Variants in TLK1 observed in about 807,000 individuals in gnomAD.
TLK1 encodes tousled like kinase 1.
TLK1 carries 24 observed loss-of-function variants against 105.3 expected under a neutral mutation model. The ratio of observed to expected loss-of-function variants is 0.23; its 90% confidence interval spans 0.17 to 0.32. The LOEUF is 0.32. Among genes scored for constraint, TLK1 ranks in the 10% least tolerant of loss-of-function variants. The pLI is 1.00. For missense variants in TLK1, 558 were observed against 910.5 expected (o/e 0.61, Z 4.98); for synonymous variants, 321 against 310.4 (o/e 1.03, Z -0.36).
chr2:171,165,510 T>C (rs1692589848), upstream of TLK1, among the ~76,000 whole-genome samples: 1 of 152,110 alleles, frequency 6.6e-6, no homozygotes, highest in Admixed American at 6.6e-5. Context: ...TTACAAAGCA[T>C]CCAATATTAT....
chr2:171,004,242 C>T (rs771636835), intron 18 of TLK1, among the ~76,000 whole-genome samples: 12 of 152,128 alleles, frequency 7.9e-5, no homozygotes, highest in Admixed American at 3.3e-4. Flanking sequence ...GGATTACAGG[C>T]GTGAGCCACC....
At chr2:171,180,823 C>CT (rs57223904) in intron 1 of TLK1, among the ~76,000 whole-genome samples, 1,905 of 123,088 alleles carry the variant, frequency 0.015, 23 homozygotes, top group African/African-American at 0.033. Flanking sequence ...TAAGAGGATG[C>CT]TTTTTTTTTT....
Position 170,993,689 on chromosome 2 carries a change from A to G in TLK1, c.*91T>C. 1 of 971,628 alleles carries G rather than the reference A, an allele frequency of 1.0e-6. No individual in the cohort carries two copies. The highest frequency in any genetic ancestry group is 1.7e-5 in the African/African-American group (1 of 58,492). 60.2% of individuals were successfully genotyped at this position (971,628 alleles called of 1,614,324 possible). On this transcript the variant is annotated 3_prime_UTR_variant, in exon 21 of 21. Transcript: ENST00000431350. ...TGTGTAAAAAAAAAAAAAAAAAAAAAAGAAAAAGAAAACAAACACTCAAAT... is the reference window on the plus strand; with the variant it reads ...TGTGTAAAAAAAAAAAAAAAAAAAAGAGAAAAAGAAAACAAACACTCAAAT...
At chr2:171,076,217 C>T (rs1373319355) in intron 3 of TLK1, among the ~76,000 whole-genome samples, 7 of 147,566 alleles carry the variant, frequency 4.7e-5, no homozygotes, top group African/African-American at 1.5e-4. Flanking sequence ...AACTCCATCT[C>T]GGAGGGCGGG....
chr2:171,228,997 G>A (rs1002011259), intron 1 of TLK1, among the ~76,000 whole-genome samples: 1 of 152,136 alleles, frequency 6.6e-6, no homozygotes, highest in African/African-American at 2.4e-5. Flanking sequence ...CATGCACTTG[G>A]GAATTTCCAC....
At chr2:171,214,741 A>C (rs1170256867) in intron 1 of TLK1, among the ~76,000 whole-genome samples, 1 of 152,254 alleles carries the variant, frequency 6.6e-6, no homozygotes. Flanking sequence ...CCTGGAATTT[A>C]GTAATTAATC....
At chr2:171,117,983 C>T (rs536495501) in intron 1 of TLK1, 126 bp from the exon 2 acceptor site, 15 of 536,702 alleles carry the variant, frequency 2.8e-5, no homozygotes, top group Non-Finnish European at 4.2e-5. Flanking sequence ...TACAAGCAGA[C>T]GAAATTGAGA....
Position 171,135,309 on chromosome 2 carries a change from GTGTGTGTGTGTATATATATA to G in TLK1, c.140-17472_140-17453del, listed in dbSNP as rs1248246696. ...TTCCACATTATGTGTGTGTTTGTGT[GTGTGTGTGTGTATATATATA>G]TATATATATATATATCAAAACATGA... is the stretch of plus-strand genomic sequence containing the variant. On this transcript the variant is annotated intron_variant, in intron 1 of 20. Transcript: ENST00000431350. Among the ~76,000 whole-genome samples the G allele has an allele frequency of 7.3e-3, 754 of 103,782 alleles. 7 individuals carry two copies. Among genetic ancestry groups the G allele is most frequent in the African/African-American group, 0.036 (700 of 19,264 alleles). The allele number at this position is 103,782 out of a possible 152,430, so 68.1% of individuals were successfully genotyped here. A position where few individuals can be genotyped will look rare whatever the true frequency, so the allele number is the denominator to read the frequency against.
intron 2 of TLK1, among the ~76,000 whole-genome samples, chr2:171,108,080 C>CAAAA (rs1491412460): frequency 1.6e-5 from 1 of 62,986 alleles, no homozygotes; most frequent in East Asian, 2.2e-4. Context: ...ACAACAACAA[C>CAAAA]AACAACAAAA....
At chr2:171,057,816 G>A (rs981878303) in intron 5 of TLK1, among the ~76,000 whole-genome samples, 10 of 151,884 alleles carry the variant, frequency 6.6e-5, no homozygotes, top group African/African-American at 1.2e-4. Flanking sequence ...CTGCTGCCAC[G>A]GTCTGACTGC....
intron 1 of TLK1, among the ~76,000 whole-genome samples, chr2:171,138,767 T>C (rs889910807): frequency 4.6e-5 from 7 of 152,204 alleles, no homozygotes; most frequent in Non-Finnish European, 7.4e-5. Flanking sequence ...CCACCCCTAC[T>C]TAACAAGCCA....
intron 18 of TLK1, among the ~76,000 whole-genome samples, chr2:171,004,076 T>C (rs1333255485): frequency 6.6e-6 from 1 of 152,134 alleles, no homozygotes; most frequent in South Asian, 2.1e-4. Context: ...TGCCTCAGCC[T>C]CCCAAGTAGC....
At chr2:171,129,783 T>A (rs890458161) in intron 1 of TLK1, among the ~76,000 whole-genome samples, 45 of 151,968 alleles carry the variant, frequency 3.0e-4, no homozygotes, top group African/African-American at 1.0e-3. Flanking sequence ...TAGTAAGCTG[T>A]GAAATGCTGC....
chr2:171,206,276 A>T lies in TLK1; in HGVS notation c.-6+24869T>A, dbSNP rs142756928. On this transcript the variant is annotated intron_variant, in intron 1 of 20. Transcript: ENST00000521943. The stretch of plus-strand genomic sequence containing the variant: ...AATGAAGCAGCTGACAATCAATAGC[A>T]TCTTACATTTAATAAAATATGGCAT... Among the ~76,000 whole-genome samples, 24 of 152,374 alleles carry T rather than the reference A, an allele frequency of 1.6e-4. No homozygotes were observed. The East Asian group carries it at 4.6e-3, about 29-fold the overall frequency.
intron 17 of TLK1, 79 bp downstream of exon 17, chr2:171,006,395 A>T (rs1447519502): frequency 1.3e-6 from 2 of 1,487,192 alleles, no homozygotes; most frequent in African/African-American, 2.8e-5. Flanking sequence ...ACCAAAAAAC[A>T]TGTTTTCAGA....
chr2:171,146,741 G>T (rs12692962), intron 1 of TLK1, among the ~76,000 whole-genome samples: 37,488 of 152,042 alleles, frequency 0.25, 4,849 homozygotes, highest in Middle Eastern at 0.35. Flanking sequence ...CCCTTCTGTA[G>T]GGAGTACTTT....
At chr2:171,103,223 T>G (rs746771219) in intron 2 of TLK1, among the ~76,000 whole-genome samples, 2 of 148,008 alleles carry the variant, frequency 1.4e-5, no homozygotes, top group Non-Finnish European at 3.0e-5. Flanking sequence ...AATGGGAAGT[T>G]TGGGGAAGGT....
intron 2 of TLK1, among the ~76,000 whole-genome samples, chr2:171,116,361 A>G (rs1309255207): frequency 6.6e-6 from 1 of 152,240 alleles, no homozygotes; most frequent in Non-Finnish European, 1.5e-5. Flanking sequence ...ACAAAGAATT[A>G]AAATAATTTC....
intron 2 of TLK1, among the ~76,000 whole-genome samples, chr2:171,114,840 GA>G (rs113782913): frequency 6.7e-6 from 1 of 149,156 alleles, no homozygotes; most frequent in Non-Finnish European, 1.5e-5. Flanking sequence ...GTCTCAGAGG[GA>G]AAAAAAAAGA....
Sources: gnomAD v4.1 joint callset for allele counts (sites outside exome capture counted in the v4.1 genomes callset) on GRCh38, gnomAD v4.1.1 for gene constraint, MANE v1.5 for transcripts, NCBI Gene and HGNC (gene_info 2026-07-23, HGNC 2026-07-21) for gene names.